The following TENM1 variants were observed in gnomAD, a reference collection of about 807,000 sequenced individuals.
TENM1 encodes teneurin transmembrane protein 1.
Under a neutral mutation model 174.8 loss-of-function variants are expected in TENM1, and 35 were observed. That is an observed-to-expected ratio of 0.20 (90% CI 0.15 to 0.27). The LOEUF is 0.27. TENM1 is among the 10% of genes least tolerant of loss of function. The probability of loss-of-function intolerance (pLI) is 1.00; values close to 1 mark genes in which losing one functional copy is unlikely to be tolerated. For synonymous variants in TENM1, 781 were observed against 798.7 expected (o/e 0.98, Z 0.37); for missense variants, 1,633 against 2,130.1 (o/e 0.77, Z 4.59).
the TENM1 span, among the ~76,000 whole-genome samples, chrX:125,140,571 T>C: frequency 6.3e-5 from 7 of 111,874 alleles, no homozygotes; most frequent in Admixed American, 4.8e-4. Flanking sequence ...CAATGTATTA[T>C]ATATTTCAAA....
intron 1 of TENM1, among the ~76,000 whole-genome samples, chrX:124,948,633 A>G (rs1286391529): frequency 1.8e-5 from 2 of 111,947 alleles, no homozygotes; most frequent in Non-Finnish European, 3.8e-5. Context: ...GCTCACTGCA[A>G]CCTCCGCCTC....
At chrX:124,963,885 G>A (rs1344006086), upstream of TENM1, 16 of 525,837 alleles carry the variant, frequency 3.0e-5, no homozygotes, top group Non-Finnish European at 5.0e-5. Flanking sequence ...GCATCTGGCA[G>A]ATTCACAATT....
In TENM1 at chrX:124,847,135, A is replaced by T. The variant is rs1020988371; in HGVS notation, c.535+47161T>A. On this transcript the variant is annotated intron_variant, in intron 3 of 31. Coordinates refer to ENST00000422452, the Ensembl canonical transcript of TENM1. Reference sequence around the variant, plus strand: ...TCTGTACAGGTTTCTTTATTAAAGGACTTCTCAGAGCCTTTAAATATGCTA... The same window carrying T: ...TCTGTACAGGTTTCTTTATTAAAGGTCTTCTCAGAGCCTTTAAATATGCTA... Among the ~76,000 whole-genome samples, 4 of 110,900 alleles carry T rather than the reference A, an allele frequency of 3.6e-5. No individual in the cohort carries two copies. In the Admixed American group the frequency reaches 3.9e-4, roughly 11 times the overall value.
intron 4 of TENM1, among the ~76,000 whole-genome samples, chrX:124,727,849 C>G (rs766603793): frequency 2.7e-5 from 3 of 111,667 alleles, no homozygotes; most frequent in Non-Finnish European, 3.8e-5. Context: ...AAAGTGAGTG[C>G]TATTAACCCA....
chrX:125,075,579 G>A, the TENM1 span, among the ~76,000 whole-genome samples: 1 of 111,059 alleles, frequency 9.0e-6, no homozygotes, highest in Non-Finnish European at 1.9e-5. Flanking sequence ...ATTCAGAGTT[G>A]TGCAACCTTT....
chrX:125,149,615 A>C, the TENM1 span, among the ~76,000 whole-genome samples: 2 of 111,977 alleles, frequency 1.8e-5, no homozygotes, highest in Non-Finnish European at 3.8e-5. Flanking sequence ...ATGCATTTTA[A>C]GTTTTATTAA....
rs1256487027 is a variant in TENM1 at position 124,653,436 on chromosome X, CA to C, written c.1368+147del. 1.5e-5 allele frequency: 7 copies of C among 452,819 alleles called. No homozygotes were observed. In the African/African-American group the frequency reaches 1.7e-4, roughly 11 times the overall value. 37.3% of individuals were successfully genotyped at this position (452,819 alleles called of 1,213,427 possible). A position where few individuals can be genotyped will look rare whatever the true frequency, so the allele number is the denominator to read the frequency against. ...TCCATGTCATTTTTTTCATTAGTTT[CA>C]GTGTAATTATTCTGGATATTTATTC... On this transcript the variant is annotated intron_variant, in intron 7 of 31. Coordinates refer to ENST00000422452, the Ensembl canonical transcript of TENM1.
At chrX:125,049,449 T>A in the TENM1 span, among the ~76,000 whole-genome samples, 2 of 112,258 alleles carry the variant, frequency 1.8e-5, no homozygotes, top group African/African-American at 6.5e-5. Context: ...ATTGTATAGA[T>A]ATTTTGTGGA....
chrX:125,061,493 C>T, the TENM1 span, among the ~76,000 whole-genome samples: 13 of 112,053 alleles, frequency 1.2e-4, no homozygotes, highest in African/African-American at 4.2e-4. Context: ...ATAAAATAAA[C>T]CGTACTCTTC....
At chrX:124,748,399 T>G (rs1242248920) in intron 3 of TENM1, among the ~76,000 whole-genome samples, 1 of 110,539 alleles carries the variant, frequency 9.0e-6, no homozygotes. Context: ...TTTATTGTTA[T>G]GTGTACAGAA....
At chrX:124,990,803 T>C in the TENM1 span, among the ~76,000 whole-genome samples, 1 of 112,055 alleles carries the variant, frequency 8.9e-6, no homozygotes, top group African/African-American at 3.2e-5. Flanking sequence ...GGACATCTAA[T>C]GTAGAAAAGA....
chrX:124,878,014 G>A (rs2057238159), intron 3 of TENM1, among the ~76,000 whole-genome samples: 1 of 111,351 alleles, frequency 9.0e-6, no homozygotes. Flanking sequence ...TCTTCATGTT[G>A]AGTATGCTGA....
At chrX:125,005,580 C>G in the TENM1 span, among the ~76,000 whole-genome samples, 1 of 110,491 alleles carries the variant, frequency 9.1e-6, no homozygotes, top group East Asian at 2.9e-4. Context: ...ATGATAGAAA[C>G]TAAGGGGGAG....
intron 3 of TENM1, among the ~76,000 whole-genome samples, chrX:124,788,984 G>C (rs2055111411): frequency 2.7e-5 from 3 of 112,173 alleles, no homozygotes; most frequent in African/African-American, 9.7e-5. Context: ...TTCTCCATGA[G>C]GGCCTCTCCC....
intron 3 of TENM1, among the ~76,000 whole-genome samples, chrX:124,789,235 AG>A (rs1319689348): frequency 2.7e-5 from 3 of 110,582 alleles, no homozygotes; most frequent in Non-Finnish European, 1.9e-5. Context: ...TGCACACAGC[AG>A]GGGGGTCCTG....
At chrX:124,926,428 T>C (rs900824632) in intron 1 of TENM1, among the ~76,000 whole-genome samples, 5 of 112,013 alleles carry the variant, frequency 4.5e-5, no homozygotes, top group African/African-American at 1.6e-4. Flanking sequence ...CCACTCTTTT[T>C]ACCCTTTTCC....
At chrX:124,764,731 G>A (rs375916507) in intron 3 of TENM1, among the ~76,000 whole-genome samples, 6 of 106,434 alleles carry the variant, frequency 5.6e-5, no homozygotes, top group African/African-American at 1.7e-4. Context: ...TAAAAAATAC[G>A]TACACATGTA....
chrX:124,472,206 G>C (rs1022019248), intron 22 of TENM1, among the ~76,000 whole-genome samples: 1 of 107,243 alleles, frequency 9.3e-6, no homozygotes, highest in African/African-American at 3.4e-5. Context: ...GAGGGCTGCC[G>C]CAAGGGGCTC....
the TENM1 span, among the ~76,000 whole-genome samples, chrX:124,989,317 T>C: frequency 9.0e-6 from 1 of 111,619 alleles, no homozygotes; most frequent in Admixed American, 9.6e-5. Context: ...AAAATATTTT[T>C]AAAGAATTAA....
Sources: allele counts gnomAD v4.1 joint callset (sites outside exome capture counted in the v4.1 genomes callset), GRCh38; gene constraint gnomAD v4.1.1; transcripts MANE v1.5; gene names NCBI Gene and HGNC (gene_info 2026-07-23, HGNC 2026-07-21).